Variants in NKAIN2 observed in about 807,000 individuals in gnomAD.
The protein encoded by NKAIN2 is sodium/potassium transporting ATPase interacting 2, also known as sodium/potassium-transporting ATPase subunit beta-1-interacting protein 2.
In NKAIN2, 14 loss-of-function variants were observed where a neutral mutation model predicts 32.6. That is an observed-to-expected ratio of 0.43 (90% CI 0.28 to 0.67). The LOEUF (loss-of-function observed/expected upper bound fraction) is 0.67. NKAIN2 is among the 30% of genes least tolerant of loss of function. The pLI is 0.17. For synonymous variants in NKAIN2, 80 were observed against 87.2 expected (o/e 0.92, Z 0.46); for missense variants, 198 against 258.3 (o/e 0.77, Z 1.60).
intron 1 of NKAIN2, among the ~76,000 whole-genome samples, chr6:124,041,061 A>G (rs1020149001): frequency 2.6e-5 from 4 of 151,984 alleles, no homozygotes; most frequent in Non-Finnish European, 2.9e-5. Flanking sequence ...TTGGGAGAGT[A>G]ATTTGTAATT....
intron 1 of NKAIN2, among the ~76,000 whole-genome samples, chr6:123,850,353 A>ATAT (rs1364265998): frequency 7.9e-5 from 8 of 101,700 alleles, no homozygotes; most frequent in African/African-American, 2.9e-4. Context: ...AAAAAAAAAA[A>ATAT]AAATATATAT....
chr6:124,092,497 T>A lies in NKAIN2; in HGVS notation c.55-190508T>A, dbSNP rs573479001. On this transcript the variant is annotated intron_variant, in intron 1 of 6. Transcript: ENST00000368417. ...ATGTAAAGGAAATATTAAAAACTTT[T>A]TTTCTGTAATTCTTTCCTTTGTGGG... Among the ~76,000 whole-genome samples the A allele has an allele frequency of 8.5e-5, 13 of 152,206 alleles. No homozygotes were observed. The South Asian group carries it at 2.5e-3, about 29-fold the overall frequency.
rs73770399 is a variant in NKAIN2, at chr6:124,288,035, A to C, written c.192+4893A>C. On this transcript the variant is annotated intron_variant, in intron 2 of 6. Coordinates refer to ENST00000368417, the MANE Select transcript of NKAIN2 (RefSeq NM_001040214.3). ...AACTAGAAAAAAAAAGTTTCAAAAT[A>C]GCTGAAAATCTATTACTCAGATTTT... Among the ~76,000 whole-genome samples, 1,238 of 152,228 alleles carry C rather than the reference A, an allele frequency of 8.1e-3. 13 individuals are homozygous for C. Among genetic ancestry groups the C allele is most frequent in the African/African-American group, 0.029 (1,195 of 41,542 alleles).
At chr6:124,631,436 A>C (rs1156681484) in intron 3 of NKAIN2, among the ~76,000 whole-genome samples, 2 of 152,184 alleles carry the variant, frequency 1.3e-5, no homozygotes, top group African/African-American at 4.8e-5. Context: ...AAACCTAGGC[A>C]ACAAAAAAAT....
chr6:124,022,033 A>AT (rs1780889970), intron 1 of NKAIN2, among the ~76,000 whole-genome samples: 1 of 141,766 alleles, frequency 7.1e-6, no homozygotes, highest in Admixed American at 7.0e-5. Context: ...TCCTAATGCT[A>AT]TCCCTCCCCC....
chr6:124,682,405 A>C (rs1328241822), intron 4 of NKAIN2, among the ~76,000 whole-genome samples: 1 of 152,198 alleles, frequency 6.6e-6, no homozygotes, highest in Non-Finnish European at 1.5e-5. Context: ...AAACATTCAT[A>C]TTCTGTAGGA....
At chr6:124,466,421 A>G (rs1380598014) in intron 3 of NKAIN2, among the ~76,000 whole-genome samples, 2 of 152,082 alleles carry the variant, frequency 1.3e-5, no homozygotes, top group Non-Finnish European at 2.9e-5. Context: ...TTCAGTTGTT[A>G]TAAAGGTCAC....
chr6:124,292,085 T>A (rs1337974077), intron 2 of NKAIN2, among the ~76,000 whole-genome samples: 1 of 152,282 alleles, frequency 6.6e-6, no homozygotes, highest in Non-Finnish European at 1.5e-5. Context: ...TTTTATATTA[T>A]AGTTTTTAAT....
At chr6:123,914,331 G>C (rs1229395309) in intron 1 of NKAIN2, among the ~76,000 whole-genome samples, 1 of 151,898 alleles carries the variant, frequency 6.6e-6, no homozygotes, top group Non-Finnish European at 1.5e-5. Context: ...AAAGATGAGA[G>C]AGAGGGAAAA....
chr6:123,965,602 A>G (rs1008566754), intron 1 of NKAIN2, among the ~76,000 whole-genome samples: 3 of 152,084 alleles, frequency 2.0e-5, no homozygotes, highest in Non-Finnish European at 2.9e-5. Flanking sequence ...ACCAAACTAG[A>G]CTACTGCTTT....
chr6:124,152,486 C>CT (rs1457352518), intron 1 of NKAIN2, among the ~76,000 whole-genome samples: 1 of 151,754 alleles, frequency 6.6e-6, no homozygotes, highest in Non-Finnish European at 1.5e-5. Context: ...GTTAGAATAA[C>CT]TACTATCAAA....
intron 4 of NKAIN2, among the ~76,000 whole-genome samples, chr6:124,715,709 C>A (rs1320166051): frequency 6.6e-6 from 1 of 152,222 alleles, no homozygotes; most frequent in Non-Finnish European, 1.5e-5. Context: ...CTGTCACTGC[C>A]TCTGCCCAAC....
chr6:124,223,858 T>C (rs890622163), intron 1 of NKAIN2, among the ~76,000 whole-genome samples: 9 of 152,152 alleles, frequency 5.9e-5, no homozygotes, highest in Non-Finnish European at 1.3e-4. Context: ...AATGAAAATA[T>C]AGAGATCTGC....
intron 5 of NKAIN2, among the ~76,000 whole-genome samples, chr6:124,805,139 G>A (rs1193698847): frequency 6.6e-6 from 1 of 152,182 alleles, no homozygotes; most frequent in East Asian, 1.9e-4. Context: ...AGAGAGCAGT[G>A]GTTCTCCCAG....
At chr6:124,487,137 T>C (rs991656435) in intron 3 of NKAIN2, among the ~76,000 whole-genome samples, 2 of 152,106 alleles carry the variant, frequency 1.3e-5, no homozygotes, top group African/African-American at 4.8e-5. Flanking sequence ...TAATAATCAG[T>C]ATTTTTGGTC....
chr6:124,775,999 C>T (rs1254140326), intron 4 of NKAIN2, among the ~76,000 whole-genome samples: 1 of 152,144 alleles, frequency 6.6e-6, no homozygotes, highest in Admixed American at 6.5e-5. Context: ...AAGTACCTCA[C>T]TCCTGTGCCA....
At chr6:124,710,319 G>T (rs1268643055) in intron 4 of NKAIN2, among the ~76,000 whole-genome samples, 1 of 152,088 alleles carries the variant, frequency 6.6e-6, no homozygotes, top group Non-Finnish European at 1.5e-5. Flanking sequence ...GATTTGGGGT[G>T]GAGAGTTCTG....
chr6:124,095,591 G>C (rs911144689), intron 1 of NKAIN2, among the ~76,000 whole-genome samples: 3 of 152,002 alleles, frequency 2.0e-5, no homozygotes, highest in Non-Finnish European at 4.4e-5. Flanking sequence ...ATACTCAAAT[G>C]TATATTTTCT....
At chr6:124,606,453 T>C (rs1023053304) in intron 3 of NKAIN2, among the ~76,000 whole-genome samples, 6 of 152,062 alleles carry the variant, frequency 3.9e-5, no homozygotes, top group Non-Finnish European at 8.8e-5. Context: ...TTTAATAGTA[T>C]ATATATTTTT....
Sources: allele counts gnomAD v4.1 joint callset (sites outside exome capture counted in the v4.1 genomes callset), GRCh38; gene constraint gnomAD v4.1.1; transcripts MANE v1.5; gene names NCBI Gene and HGNC (gene_info 2026-07-23, HGNC 2026-07-21).